BCAS3: variants seen among roughly 807,000 people sequenced by gnomAD.
BCAS3 encodes BCAS4/BCAS3 fusion.
In BCAS3, 53 loss-of-function variants were observed where a neutral mutation model predicts 116.1. The observed-to-expected ratio is 0.46, with a 90% CI of 0.37 to 0.57. The LOEUF is 0.57. Among genes scored for constraint, BCAS3 ranks in the 20% least tolerant of loss-of-function variants. The pLI, the probability that BCAS3 is intolerant of heterozygous loss-of-function variation, is 0.00. For synonymous variants in BCAS3, 391 were observed against 408.2 expected, an observed-to-expected ratio of 0.96 and a Z score of 0.51; for missense variants, 917 against 1,165.4, an observed-to-expected ratio of 0.79 and a Z score of 3.10.
chr17:61,330,063 C>T (rs535597706), intron 22 of BCAS3, among the ~76,000 whole-genome samples: 1 of 152,318 alleles, frequency 6.6e-6, no homozygotes, highest in East Asian at 1.9e-4. Flanking sequence ...AGAATTTAGT[C>T]TAGATGCCCG....
intron 22 of BCAS3, among the ~76,000 whole-genome samples, chr17:61,350,770 C>T (rs1223592016): frequency 6.6e-6 from 1 of 151,950 alleles, no homozygotes; most frequent in African/African-American, 2.4e-5. Context: ...GTAGCTGGGA[C>T]TACAAGCATG....
At chr17:61,164,070 A>T (rs2078333959) in intron 22 of BCAS3, among the ~76,000 whole-genome samples, 1 of 147,268 alleles carries the variant, frequency 6.8e-6, no homozygotes, top group Non-Finnish European at 1.5e-5. Flanking sequence ...ATTTTTGGGC[A>T]CTGAAATCAG....
intron 7 of BCAS3, among the ~76,000 whole-genome samples, chr17:60,861,323 A>G (rs1397551678): frequency 4.6e-5 from 7 of 152,028 alleles, no homozygotes; most frequent in African/African-American, 1.4e-4. Context: ...CATGCTGTTG[A>G]TTTTCATACA....
At chr17:60,864,578 C>G (rs772313663) in intron 7 of BCAS3, among the ~76,000 whole-genome samples, 2 of 152,208 alleles carry the variant, frequency 1.3e-5, no homozygotes, top group African/African-American at 2.4e-5. Flanking sequence ...TCTATCTAAA[C>G]CACTAAAACT....
At chr17:60,811,416 G>A in intron 7 of BCAS3, 1 of 613,224 alleles carries the variant, frequency 1.6e-6, no homozygotes. Context: ...ATAGTGGATG[G>A]CAAAGTGGTG....
At chr17:61,085,741 A>G (rs2073039265) in intron 22 of BCAS3, among the ~76,000 whole-genome samples, 1 of 152,160 alleles carries the variant, frequency 6.6e-6, no homozygotes, top group African/African-American at 2.4e-5. Context: ...AGTCGCTATC[A>G]TTGCTTCCCG....
Position 61,354,824 on chromosome 17 carries a change from G to C in BCAS3, c.2426-13503G>C, listed in dbSNP as rs2058058334. 1 of 152,198 alleles carries C rather than the reference G, an allele frequency of 6.6e-6. No individual in the cohort carries two copies. The highest frequency in any genetic ancestry group is 2.1e-4 in the South Asian group (1 of 4,826). 9.4% of individuals were successfully genotyped at this position (152,198 alleles called of 1,614,324 possible). A position where few individuals can be genotyped will look rare whatever the true frequency, so the allele number is the denominator to read the frequency against. On this transcript the variant is annotated intron_variant, in intron 22 of 23. Coordinates refer to ENST00000407086, the MANE Select transcript of BCAS3 (RefSeq NM_017679.5). The surrounding 1 kb of genome is among the most constrained non-coding windows in gnomAD (Gnocchi z 4.5). ...CCATTTTTAAAGCCCACATAGTTAG[G>C]AGACTACCAAAATAACAAAGCTAAA...
intron 7 of BCAS3, among the ~76,000 whole-genome samples, chr17:60,824,614 A>G (rs1347037888): frequency 6.6e-6 from 1 of 152,206 alleles, no homozygotes; most frequent in Non-Finnish European, 1.5e-5. Context: ...TGTCACCAAT[A>G]GATCCATTCC....
intron 22 of BCAS3, among the ~76,000 whole-genome samples, chr17:61,329,064 T>G (rs1328890951): frequency 1.3e-5 from 2 of 151,106 alleles, no homozygotes; most frequent in Non-Finnish European, 2.9e-5. Context: ...CCGGCTAGTT[T>G]TTTGTATTTT....
Position 61,070,366 on chromosome 17 carries a change from A to AATATAT in BCAS3, c.2030-4525_2030-4520dup, listed in dbSNP as rs55736464. On this transcript the variant is annotated intron_variant, in intron 19 of 23. Transcript: ENST00000407086. The stretch of plus-strand genomic sequence containing the variant: ...AACTGAGTCCAGCTGCCTAATTCTG[A>AATATAT]ATATATATATATATATATATATATA... The AATATAT allele has an allele frequency of 3.5e-3, 1,091 of 313,772 alleles. 57 individuals carry two copies. Among genetic ancestry groups the AATATAT allele is most frequent in the African/African-American group, 7.6e-3 (267 of 35,130 alleles). 19.4% of individuals were successfully genotyped at this position (313,772 alleles called of 1,614,324 possible). A position where few individuals can be genotyped will look rare whatever the true frequency, so the allele number is the denominator to read the frequency against.
chr17:60,713,213 G>A (rs1386857077), intron 5 of BCAS3, among the ~76,000 whole-genome samples: 1 of 152,134 alleles, frequency 6.6e-6, no homozygotes, highest in Non-Finnish European at 1.5e-5. Flanking sequence ...AAAATGCTCA[G>A]CATGCCAAAA....
rs747409842 is a variant in BCAS3 at position 60,994,377 on chromosome 17, C to T, written c.1486+4142C>T. ...GTAATTATATGTCTTTTTCCCATGG[C>T]TTGTAAGTATTATTCTGGGAAACAT... On this transcript the variant is annotated intron_variant, in intron 15 of 23. Transcript: ENST00000407086. This position sits in a 1 kb window ranked among gnomAD's most constrained non-coding sequence, Gnocchi z 4.4. 2.7e-4 allele frequency among the ~76,000 whole-genome samples: 41 copies of T among 151,910 alleles called. No homozygotes were observed. The highest frequency in any genetic ancestry group is 6.0e-4 in the Non-Finnish European group (41 of 67,952).
At chr17:60,764,258 T>C (rs1194617595) in intron 6 of BCAS3, among the ~76,000 whole-genome samples, 2 of 152,152 alleles carry the variant, frequency 1.3e-5, no homozygotes, top group Admixed American at 1.3e-4. Context: ...TGTTTGCTCT[T>C]GCTTCTCTAG....
At position 61,276,170 on chromosome 17, in the gene BCAS3, G is replaced by A. The variant is rs1214009567; in HGVS notation, c.2426-92157G>A. Among the ~76,000 whole-genome samples the A allele has an allele frequency of 6.6e-6, 1 of 152,086 alleles. No homozygotes were observed. The highest frequency in any genetic ancestry group is 2.1e-4 in the South Asian group (1 of 4,832). ...TCAAGACCAGGCTGACCAACATGGT[G>A]AAACCCCATTTCTACTAAAGATACA... On this transcript the variant is annotated intron_variant, in intron 22 of 23. Coordinates refer to ENST00000407086, the MANE Select transcript of BCAS3 (RefSeq NM_017679.5). This position sits in a 1 kb window ranked among gnomAD's most constrained non-coding sequence, Gnocchi z 4.2.
intron 22 of BCAS3, among the ~76,000 whole-genome samples, chr17:61,174,430 C>T (rs1454526288): frequency 6.6e-6 from 1 of 152,180 alleles, no homozygotes. Context: ...CCTTACATGC[C>T]TGGTTCATTT....
intron 19 of BCAS3, among the ~76,000 whole-genome samples, chr17:61,046,846 A>G (rs1468927110): frequency 6.6e-6 from 1 of 151,984 alleles, no homozygotes; most frequent in African/African-American, 2.4e-5. Context: ...TCCGGAAATT[A>G]TAATAATAGT....
intron 7 of BCAS3, among the ~76,000 whole-genome samples, chr17:60,834,183 T>C (rs536567814): frequency 3.9e-5 from 6 of 152,168 alleles, no homozygotes; most frequent in African/African-American, 1.4e-4. Flanking sequence ...AGGAATAATT[T>C]TGTTGTACTT....
chr17:61,299,923 A>G (rs182464824), intron 22 of BCAS3, among the ~76,000 whole-genome samples: 14 of 152,376 alleles, frequency 9.2e-5, no homozygotes, highest in Admixed American at 8.5e-4. Context: ...ATGCACGTGC[A>G]TGAAAATATG....
At chr17:60,707,980 G>T (rs1050363017) in intron 4 of BCAS3, among the ~76,000 whole-genome samples, 1 of 152,020 alleles carries the variant, frequency 6.6e-6, no homozygotes, top group Non-Finnish European at 1.5e-5. Flanking sequence ...GTCTGGTTTT[G>T]GTTGCCTCAG....
Sources: allele counts gnomAD v4.1 joint callset (sites outside exome capture counted in the v4.1 genomes callset), GRCh38; gene constraint gnomAD v4.1.1; non-coding constraint Gnocchi (gnomAD v3.1); transcripts MANE v1.5; gene names NCBI Gene and HGNC (gene_info 2026-07-23, HGNC 2026-07-21).